Variants in CDH23 observed in about 807,000 individuals in gnomAD.
CDH23 encodes cadherin-23.
In CDH23, 189 loss-of-function variants were observed where a neutral mutation model predicts 317.1. The observed-to-expected ratio is 0.60, with a 90% CI of 0.53 to 0.67. The LOEUF (loss-of-function observed/expected upper bound fraction) is 0.67. Among genes scored for constraint, CDH23 ranks in the 30% least tolerant of loss-of-function variants. CDH23 has a pLI of 0.00. For synonymous variants in CDH23, 1,839 were observed against 1,876.8 expected (o/e 0.98, Z 0.52); for missense variants, 4,401 against 4,592.4 (o/e 0.96, Z 1.20).
At chr10:71,740,719 C>G (rs1839710092) in intron 36 of CDH23, 103 bp from the exon 37 acceptor site, 1 of 1,508,328 alleles carries the variant, frequency 6.6e-7, no homozygotes. Flanking sequence ...TCTCTTTGCC[C>G]TCCCAAATGC....
At chr10:71,793,084 G>A (rs1364820752) in intron 47 of CDH23, 98 bp from the exon 48 acceptor site, 6 of 883,764 alleles carry the variant, frequency 6.8e-6, no homozygotes, top group Non-Finnish European at 1.0e-5. Flanking sequence ...AGGCTGTCAT[G>A]AGAAGGGGAC....
Position 71,684,701 on chromosome 10 carries a change from C to G in CDH23, c.1986+2129C>G, listed in dbSNP as rs76705895. Among the ~76,000 whole-genome samples, 521 of 152,358 alleles carry G rather than the reference C, an allele frequency of 3.4e-3. 5 individuals carry two copies. The highest frequency in any genetic ancestry group is 5.7e-3 in the Non-Finnish European group (390 of 68,036). ...TGACAGCCATGCATAGCAGCAGCCG[C>G]ACCCATGCCCCAGCCTGTCGCTAGT... On this transcript the variant is annotated intron_variant, in intron 18 of 69. Transcript: ENST00000224721.
At chr10:71,425,232 G>A (rs12771685) in intron 1 of CDH23, among the ~76,000 whole-genome samples, 6,158 of 73,552 alleles carry the variant, frequency 0.084, 838 homozygotes, top group Non-Finnish European at 0.095. Flanking sequence ...AGAGAGAGAG[G>A]GAGAGAGAGA....
chr10:71,607,975 A>G (rs1212688206), intron 9 of CDH23, among the ~76,000 whole-genome samples: 1 of 152,230 alleles, frequency 6.6e-6, no homozygotes, highest in African/African-American at 2.4e-5. Flanking sequence ...CACCTGCTAC[A>G]TGTCAGGCAC....
chr10:71,761,775 C>G, intron 38 of CDH23: 1 of 1,614,130 alleles, frequency 6.2e-7, no homozygotes, highest in Non-Finnish European at 8.5e-7. Context: ...TGAGCCAGGT[C>G]GTGGCTGGTG....
At chr10:71,622,202 A>T (rs1329407174) in intron 11 of CDH23, among the ~76,000 whole-genome samples, 4 of 152,166 alleles carry the variant, frequency 2.6e-5, no homozygotes, top group Non-Finnish European at 4.4e-5. Flanking sequence ...ACCCACCTGG[A>T]GTCCTATAAT....
intron 3 of CDH23, among the ~76,000 whole-genome samples, chr10:71,466,939 T>C (rs1851283581): frequency 6.6e-6 from 1 of 152,160 alleles, no homozygotes; most frequent in Non-Finnish European, 1.5e-5. Context: ...TGGAGACTGC[T>C]GTTCATTATA....
rs1230821559 is a variant in CDH23, at chr10:71,751,163, G to A, written c.4845+9242G>A. On this transcript the variant is annotated intron_variant, in intron 38 of 69. Transcript: ENST00000224721. The surrounding 1 kb of genome is among the most constrained non-coding windows in gnomAD (Gnocchi z 4.9). ...GAGCAGGAGGGAGGGAACCAGGGCCGAGGCCAAGGAGGCCACTCACAGAGC... is the reference window on the plus strand; with the variant it reads ...GAGCAGGAGGGAGGGAACCAGGGCCAAGGCCAAGGAGGCCACTCACAGAGC... The A allele has an allele frequency of 8.3e-6, 12 of 1,453,804 alleles. No homozygotes were observed. The highest frequency in any genetic ancestry group is 7.1e-5 in the African/African-American group (5 of 70,484). The allele number at this position is 1,453,804 out of a possible 1,614,324, so 90.1% of individuals were successfully genotyped here.
chr10:71,758,363 T>C (rs184628290), intron 38 of CDH23, among the ~76,000 whole-genome samples: 49 of 152,292 alleles, frequency 3.2e-4, no homozygotes, highest in African/African-American at 1.1e-3. Flanking sequence ...CCCCACTGGA[T>C]GTCTGACACA....
At chr10:71,804,459 C>T (rs1841651004) in intron 55 of CDH23, among the ~76,000 whole-genome samples, 1 of 152,198 alleles carries the variant, frequency 6.6e-6, no homozygotes, top group Admixed American at 6.5e-5. Flanking sequence ...ATGTCTCCCA[C>T]TTGTTCTTTG....
intron 3 of CDH23, among the ~76,000 whole-genome samples, chr10:71,508,888 C>A (rs1853796162): frequency 6.6e-6 from 1 of 152,166 alleles, no homozygotes; most frequent in Non-Finnish European, 1.5e-5. Context: ...ACCAACCATC[C>A]CAGTTTGCCT....
chr10:71,578,108 G>C, intron 9 of CDH23, 116 bp downstream of exon 9: 1 of 1,007,114 alleles, frequency 9.9e-7, no homozygotes, highest in Non-Finnish European at 1.5e-6. Flanking sequence ...TGTGGGACAG[G>C]GTAGGAGACC....
At chr10:71,731,102 G>T (rs1839366035) in intron 31 of CDH23, among the ~76,000 whole-genome samples, 1 of 152,234 alleles carries the variant, frequency 6.6e-6, no homozygotes, top group African/African-American at 2.4e-5. Context: ...CTTGCTGAGG[G>T]CCCAAGCCCC....
At chr10:71,410,598 G>T (rs1223287168) in intron 1 of CDH23, among the ~76,000 whole-genome samples, 1 of 152,224 alleles carries the variant, frequency 6.6e-6, no homozygotes, top group Non-Finnish European at 1.5e-5. Context: ...AAAGGGCCAT[G>T]CTCATGTAAC....
chr10:71,588,636 C>G (rs1006671878), intron 9 of CDH23, among the ~76,000 whole-genome samples: 1 of 152,182 alleles, frequency 6.6e-6, no homozygotes, highest in African/African-American at 2.4e-5. Context: ...TTCACTGACT[C>G]GTGGCCTTCC....
intron 6 of CDH23, among the ~76,000 whole-genome samples, chr10:71,559,779 C>T (rs540040799): frequency 1.3e-5 from 2 of 152,350 alleles, no homozygotes; most frequent in Non-Finnish European, 2.9e-5. Flanking sequence ...ATACCTGGCA[C>T]ATTTTAGATC....
intron 14 of CDH23, 91 bp downstream of exon 14, chr10:71,646,708 AATC>A: frequency 1.2e-6 from 2 of 1,612,902 alleles, no homozygotes; most frequent in Non-Finnish European, 1.7e-6. Context: ...GGACCTCAGC[AATC>A]AGGGAAGGAG....
chr10:71,813,138 C>T (rs955308869), intron 68 of CDH23, 106 bp from the exon 69 acceptor site: 9 of 1,199,282 alleles, frequency 7.5e-6, no homozygotes, highest in Non-Finnish European at 1.1e-5. Flanking sequence ...GCCCTAGGAT[C>T]ACCAGGATCA....
At chr10:71,656,917 G>C (rs996678625) in intron 14 of CDH23, among the ~76,000 whole-genome samples, 2 of 152,214 alleles carry the variant, frequency 1.3e-5, no homozygotes, top group African/African-American at 2.4e-5. Context: ...GAATAGGCGG[G>C]GGGTAGGGGA....
Sources: gnomAD v4.1 joint callset for allele counts (sites outside exome capture counted in the v4.1 genomes callset) on GRCh38, gnomAD v4.1.1 for gene constraint, Gnocchi (gnomAD v3.1) non-coding constraint, MANE v1.5 for transcripts, NCBI Gene and HGNC (gene_info 2026-07-23, HGNC 2026-07-21) for gene names.